ADAM32: variants seen among roughly 807,000 people sequenced by gnomAD.
ADAM32 encodes the protein disintegrin and metalloproteinase domain-containing protein 32.
Under a neutral mutation model 114.9 loss-of-function variants are expected in ADAM32, and 89 were observed. The observed-to-expected ratio is 0.77, with a 90% CI of 0.65 to 0.92. The LOEUF (loss-of-function observed/expected upper bound fraction) is 0.92, where lower values mean the gene tolerates loss of function less well. Ranked by LOEUF, ADAM32 falls within the 40% of genes least tolerant of loss-of-function variation. The pLI, the probability that ADAM32 is intolerant of heterozygous loss-of-function variation, is 0.00. For missense variants in ADAM32, 870 were observed against 932.8 expected (o/e 0.93, Z 0.88); for synonymous variants, 285 against 307.5 (o/e 0.93, Z 0.77).
chr8:39,110,042 C>G lies in ADAM32; in HGVS notation c.58+2209C>G, dbSNP rs140206089. On this transcript the variant is annotated intron_variant, in intron 1 of 24. Transcript: ENST00000379907. Reference sequence around the variant, plus strand: ...AATATGCATTTAAGGTTCTCCCATGCCTTTTCATGGCTTGATAGCTTATTT... The same window carrying G: ...AATATGCATTTAAGGTTCTCCCATGGCTTTTCATGGCTTGATAGCTTATTT... 7.8e-3 allele frequency among the ~76,000 whole-genome samples: 1,193 copies of G among 152,040 alleles called. 53 individuals are homozygous for G. Among genetic ancestry groups the G allele is most frequent in the Admixed American group, 0.068 (1,040 of 15,258 alleles).
chr8:39,178,144 G>T (rs191409691), intron 10 of ADAM32, among the ~76,000 whole-genome samples: 1 of 152,084 alleles, frequency 6.6e-6, no homozygotes, highest in East Asian at 1.9e-4. Context: ...TCTCTTTCAG[G>T]TATCTTAATC....
At position 39,136,333 on chromosome 8, in the gene ADAM32, C is replaced by T. The variant is rs113788081; in HGVS notation, c.139-324C>T. Reference sequence around the variant, plus strand: ...TCACTGATGTAGAATATCCTCTTATCCCAATGATGCCACCTAAATAGGTAT... The same window carrying T: ...TCACTGATGTAGAATATCCTCTTATTCCAATGATGCCACCTAAATAGGTAT... On this transcript the variant is annotated intron_variant, in intron 2 of 24. Transcript: ENST00000379907. Among the ~76,000 whole-genome samples the T allele has an allele frequency of 2.2e-4, 34 of 152,280 alleles. 1 individual carries two copies. The highest frequency in any genetic ancestry group is 8.2e-4 in the African/African-American group (34 of 41,562).
At chr8:39,178,585 A>G (rs978809426) in intron 10 of ADAM32, among the ~76,000 whole-genome samples, 6 of 152,128 alleles carry the variant, frequency 3.9e-5, no homozygotes, top group Admixed American at 3.3e-4. Context: ...CATTTGGAGG[A>G]GCAGAGACAT....
At chr8:39,163,765 G>A (rs1377573703) in intron 7 of ADAM32, among the ~76,000 whole-genome samples, 1 of 152,170 alleles carries the variant, frequency 6.6e-6, no homozygotes, top group Admixed American at 6.5e-5. Context: ...ATTCACTAAA[G>A]TAGTGAAAAT....
intron 17 of ADAM32, among the ~76,000 whole-genome samples, chr8:39,248,250 A>C (rs1168548186): frequency 2.0e-5 from 3 of 152,078 alleles, no homozygotes; most frequent in Non-Finnish European, 4.4e-5. Context: ...TTTGACAGGG[A>C]TTGTGTTCCA....
chr8:39,275,985 G>A, intron 22 of ADAM32, 119 bp downstream of exon 22: 1 of 908,352 alleles, frequency 1.1e-6, no homozygotes, highest in Non-Finnish European at 1.6e-6. Flanking sequence ...AATTAGTAAA[G>A]TACTGTACCT....
chr8:39,242,059 A>G (rs964853518), intron 16 of ADAM32, among the ~76,000 whole-genome samples: 1 of 152,178 alleles, frequency 6.6e-6, no homozygotes, highest in East Asian at 1.9e-4. Flanking sequence ...TCAAAATTCC[A>G]CAAATCTCTA....
At chr8:39,126,253 T>C (rs542894277) in intron 2 of ADAM32, among the ~76,000 whole-genome samples, 1 of 152,296 alleles carries the variant, frequency 6.6e-6, no homozygotes, top group South Asian at 2.1e-4. Context: ...CTATAAATTA[T>C]TTTTGGTAGG....
intron 2 of ADAM32, among the ~76,000 whole-genome samples, chr8:39,131,302 T>C (rs113991129): frequency 0.28 from 43,156 of 151,820 alleles, 6,186 homozygotes; most frequent in Middle Eastern, 0.34. Context: ...CTGGGCAACA[T>C]AGTGAGATCT....
chr8:39,273,529 A>AAAACAAAC lies in ADAM32; in HGVS notation c.2202-767_2202-760dup, dbSNP rs1554629385. On this transcript the variant is annotated intron_variant, in intron 20 of 24. Coordinates refer to ENST00000379907, the MANE Select transcript of ADAM32 (RefSeq NM_145004.7). Reference sequence around the variant, plus strand: ...GAGACAGAGCAAGACTCCACCTCAAAAAACAAACAAACAAACAAACAAAAG... The same window carrying AAAACAAAC: ...GAGACAGAGCAAGACTCCACCTCAAAAAACAAACAAACAAACAAACAAACAAACAAAAG... Among the ~76,000 whole-genome samples the AAAACAAAC allele has an allele frequency of 2.8e-3, 423 of 150,940 alleles. 2 individuals are homozygous for AAAACAAAC. The highest frequency in any genetic ancestry group is 9.1e-3 in the African/African-American group (371 of 40,840).
At chr8:39,110,252 G>A (rs917272228) in intron 1 of ADAM32, among the ~76,000 whole-genome samples, 5 of 152,090 alleles carry the variant, frequency 3.3e-5, no homozygotes, top group African/African-American at 1.2e-4. Flanking sequence ...TGTATTTTTA[G>A]TAGAGATGGG....
chr8:39,273,529 AAAACAAAC>A (rs1554629385), intron 20 of ADAM32, among the ~76,000 whole-genome samples: 1 of 150,826 alleles, frequency 6.6e-6, no homozygotes, highest in African/African-American at 2.5e-5. Context: ...TCCACCTCAA[AAAACAAAC>A]AAACAAACAA....
At chr8:39,180,258 G>T (rs139728286) in intron 10 of ADAM32, among the ~76,000 whole-genome samples, 22,004 of 152,282 alleles carry the variant, frequency 0.14, 1,777 homozygotes, top group Middle Eastern at 0.26. Flanking sequence ...TTAGCACCTG[G>T]GCCAGCGGCT....
Position 39,107,832 on chromosome 8 carries a change from C to T in ADAM32, c.57C>T (p.Pro19=), listed in dbSNP as rs1839988624. The T allele has an allele frequency of 1.3e-6, 2 of 1,544,402 alleles. No individual in the cohort carries two copies. Among genetic ancestry groups the T allele is most frequent in the Non-Finnish European group, 1.7e-6 (2 of 1,144,032 alleles). ...AGLCGLLASR[P]GFQNSLLQIV... ...TCTGCGGCCTCCTGGCGTCAAGACC[C>T]GGTGAGCCAGCCCAGACCCTGACAC... The change falls in exon 1 of 25, where the codon CCC becomes CCT. Residue 19 remains proline, a splice_region_variant and synonymous_variant. Transcript: ENST00000379907.
chr8:39,233,571 G>C (rs901949841), intron 15 of ADAM32, among the ~76,000 whole-genome samples: 1 of 151,952 alleles, frequency 6.6e-6, no homozygotes, highest in Non-Finnish European at 1.5e-5. Flanking sequence ...ATCTTATGCC[G>C]ATCTCCTGTC....
At chr8:39,244,701 G>A (rs1440543282) in intron 16 of ADAM32, among the ~76,000 whole-genome samples, 1 of 152,174 alleles carries the variant, frequency 6.6e-6, no homozygotes, top group Non-Finnish European at 1.5e-5. Context: ...GGCCTGTTGT[G>A]GGGTGTGGGG....
At position 39,169,932 on chromosome 8, in the gene ADAM32, C is replaced by A; in HGVS notation, c.850C>A (p.Arg284Ser). 1 of 1,595,122 alleles carries A rather than the reference C, an allele frequency of 6.3e-7. No individual in the cohort carries two copies. The highest frequency in any genetic ancestry group is 2.2e-5 in the East Asian group (1 of 44,524). Reference sequence around the variant, plus strand: ...TTTATTTAGTTATATGGATTATCCTCGTTATTTGGGAGCAGTGTTTCCTGG... The same window carrying A: ...TTTATTTAGTTATATGGATTATCCTAGTTATTTGGGAGCAGTGTTTCCTGG... The part of the protein sequence containing the change: ...AYLLIYMDYP[R>S]YLGAVFPGTM... Residue 284 changes from arginine (R) to serine (S), a missense_variant, in exon 10 of 25, where the codon CGT becomes AGT. Arg to Ser is a moderately radical substitution (Grantham distance 110, BLOSUM62 -1). Coordinates refer to ENST00000379907, the MANE Select transcript of ADAM32 (RefSeq NM_145004.7).
At chr8:39,229,199 G>C (rs912336183) in intron 14 of ADAM32, among the ~76,000 whole-genome samples, 6 of 152,138 alleles carry the variant, frequency 3.9e-5, no homozygotes, top group African/African-American at 1.4e-4. Flanking sequence ...TCTTGAAGCA[G>C]ATCCTGGAAA....
At chr8:39,204,827 T>G (rs1266098015) in intron 11 of ADAM32, among the ~76,000 whole-genome samples, 1 of 152,226 alleles carries the variant, frequency 6.6e-6, no homozygotes, top group Non-Finnish European at 1.5e-5. Flanking sequence ...GCTTTCTGTA[T>G]GTTAGTTTTC....
Sources: gnomAD v4.1 joint callset for allele counts (sites outside exome capture counted in the v4.1 genomes callset) on GRCh38, gnomAD v4.1.1 for gene constraint, MANE v1.5 for transcripts, NCBI Gene and HGNC (gene_info 2026-07-23, HGNC 2026-07-21) for gene names.